Variants in KIF3B observed in about 807,000 individuals in gnomAD.
The protein encoded by KIF3B is kinesin-like protein KIF3B.
A neutral mutation model predicts 74.3 loss-of-function variants in KIF3B; 38 were observed. The ratio of observed to expected loss-of-function variants is 0.51; its 90% CI spans 0.39 to 0.67. KIF3B has a LOEUF of 0.67. Ranked by LOEUF, KIF3B falls within the 30% of genes least tolerant of loss-of-function variation. The probability of loss-of-function intolerance (pLI) is 0.00; values close to 1 mark genes in which losing one functional copy is unlikely to be tolerated. For missense variants in KIF3B, 649 were observed against 932.0 expected (o/e 0.70, Z 3.95); for synonymous variants, 326 against 342.5 (o/e 0.95, Z 0.53).
At chr20:32,303,651 T>C (rs951911809) in intron 1 of KIF3B, among the ~76,000 whole-genome samples, 1 of 151,912 alleles carries the variant, frequency 6.6e-6, no homozygotes, top group Non-Finnish European at 1.5e-5. Context: ...GTGGATCACC[T>C]GAGATGAGGA....
intron 8 of KIF3B, among the ~76,000 whole-genome samples, 177 bp downstream of exon 8, chr20:32,330,496 G>A (rs1303710662): frequency 1.3e-5 from 2 of 152,124 alleles, no homozygotes; most frequent in East Asian, 1.9e-4. Context: ...ACTATGCTGG[G>A]TATACCGAAT....
chr20:32,289,203 T>G (rs2047680348), intron 1 of KIF3B, among the ~76,000 whole-genome samples: 1 of 150,968 alleles, frequency 6.6e-6, no homozygotes. Flanking sequence ...TCTGGTTTTT[T>G]TTTTTTTTTT....
intron 1 of KIF3B, among the ~76,000 whole-genome samples, chr20:32,299,698 C>T (rs1455754606): frequency 6.6e-6 from 1 of 151,434 alleles, no homozygotes; most frequent in African/African-American, 2.4e-5. Flanking sequence ...AGGCGTGAGC[C>T]ACCACACCCA....
intron 1 of KIF3B, among the ~76,000 whole-genome samples, chr20:32,307,201 A>G (rs2047775893): frequency 6.6e-6 from 1 of 152,172 alleles, no homozygotes; most frequent in Non-Finnish European, 1.5e-5. Context: ...TGTTATAAGC[A>G]ACAGACCTGC....
At chr20:32,297,889 C>A (rs532686087) in intron 1 of KIF3B, among the ~76,000 whole-genome samples, 22 of 152,034 alleles carry the variant, frequency 1.4e-4, no homozygotes, top group African/African-American at 5.3e-4. Context: ...GGGCAGATCA[C>A]CTGAGGTCAA....
intron 1 of KIF3B, among the ~76,000 whole-genome samples, chr20:32,293,846 T>A (rs1001470856): frequency 3.4e-4 from 51 of 152,218 alleles, no homozygotes; most frequent in African/African-American, 1.1e-3. Flanking sequence ...GACATACACA[T>A]GTATATATGC....
At chr20:32,292,210 A>T (rs1288994290) in intron 1 of KIF3B, among the ~76,000 whole-genome samples, 1 of 152,032 alleles carries the variant, frequency 6.6e-6, no homozygotes, top group Admixed American at 6.6e-5. Flanking sequence ...AAGTGCTGGG[A>T]TTATGGGTGG....
chr20:32,298,738 G>A (rs2047727986), intron 1 of KIF3B, among the ~76,000 whole-genome samples: 1 of 151,050 alleles, frequency 6.6e-6, no homozygotes, highest in Non-Finnish European at 1.5e-5. Context: ...GTACAATCGT[G>A]ACTGACTGTA....
intron 5 of KIF3B, among the ~76,000 whole-genome samples, chr20:32,318,351 T>C (rs1354169754): frequency 6.6e-6 from 1 of 152,118 alleles, no homozygotes; most frequent in East Asian, 1.9e-4. Context: ...CAGTGTTTTT[T>C]TAAAAGCATA....
chr20:32,284,864 G>A (rs145773008), intron 1 of KIF3B, among the ~76,000 whole-genome samples: 1 of 152,282 alleles, frequency 6.6e-6, no homozygotes, highest in East Asian at 1.9e-4. Context: ...TACACATGTT[G>A]TTTCATTTAG....
intron 2 of KIF3B, among the ~76,000 whole-genome samples, chr20:32,313,769 G>A (rs1355233960): frequency 2.6e-5 from 4 of 152,072 alleles, no homozygotes; most frequent in East Asian, 1.9e-4. Flanking sequence ...GTGCAGTGGC[G>A]TGATCTTGGC....
chr20:32,305,204 TC>T (rs2047764108), intron 1 of KIF3B, among the ~76,000 whole-genome samples: 1 of 151,302 alleles, frequency 6.6e-6, no homozygotes, highest in Non-Finnish European at 1.5e-5. Context: ...TTTTTAAAAA[TC>T]CCTGCACTTA....
intron 2 of KIF3B, among the ~76,000 whole-genome samples, chr20:32,314,512 C>T (rs1478288451): frequency 6.6e-6 from 1 of 151,668 alleles, no homozygotes. Context: ...TGCACTCCAG[C>T]CTGGGCGACA....
At chr20:32,319,582 G>GTTTTT (rs34028388) in intron 5 of KIF3B, among the ~76,000 whole-genome samples, 562 of 91,696 alleles carry the variant, frequency 6.1e-3, no homozygotes, top group East Asian at 0.011. Flanking sequence ...TTTTGTTTTT[G>GTTTTT]TTTTTTTTTT....
intron 5 of KIF3B, among the ~76,000 whole-genome samples, 194 bp downstream of exon 5, chr20:32,317,068 T>A (rs2047831525): frequency 6.6e-6 from 1 of 152,182 alleles, no homozygotes; most frequent in African/African-American, 2.4e-5. Flanking sequence ...AAACCCCGTC[T>A]CTACTAAGAA....
intron 1 of KIF3B, among the ~76,000 whole-genome samples, chr20:32,303,344 C>T (rs1164675038): frequency 4.6e-5 from 7 of 151,736 alleles, no homozygotes; most frequent in Non-Finnish European, 7.4e-5. Flanking sequence ...TGGGGTGGAT[C>T]GCCTGAGGCC....
At chr20:32,307,401 C>T (rs1181644193) in intron 1 of KIF3B, among the ~76,000 whole-genome samples, 2 of 152,172 alleles carry the variant, frequency 1.3e-5, no homozygotes, top group African/African-American at 4.8e-5. Flanking sequence ...TAGGATTCCA[C>T]ATATATGGAA....
chr20:32,281,691 TG>T (rs746526203), intron 1 of KIF3B, among the ~76,000 whole-genome samples: 2 of 151,952 alleles, frequency 1.3e-5, no homozygotes, highest in Non-Finnish European at 1.5e-5. Flanking sequence ...CACTCCAGCC[TG>T]GGCAACAGAG....
chr20:32,305,127 G>T (rs1010018716), intron 1 of KIF3B, among the ~76,000 whole-genome samples: 2 of 152,056 alleles, frequency 1.3e-5, no homozygotes, highest in African/African-American at 4.8e-5. Context: ...CAGCCTGGGG[G>T]ACAGAGGGGA....
Sources: gnomAD v4.1 joint callset for allele counts (sites outside exome capture counted in the v4.1 genomes callset) on GRCh38, gnomAD v4.1.1 for gene constraint, MANE v1.5 for transcripts, NCBI Gene and HGNC (gene_info 2026-07-23, HGNC 2026-07-21) for gene names.